LEMD2: variants seen among roughly 807,000 people sequenced by gnomAD.
LEMD2 encodes the protein LEM domain-containing protein 2.
LEMD2 carries 34 observed loss-of-function variants against 58.8 expected under a neutral mutation model. The observed-to-expected ratio is 0.58, with a 90% CI of 0.44 to 0.77. The LOEUF is 0.77. Ranked by LOEUF, LEMD2 falls within the 30% of genes least tolerant of loss-of-function variation. The pLI is 0.00. For synonymous variants in LEMD2, 298 were observed against 308.9 expected (o/e 0.96, Z 0.37); for missense variants, 629 against 717.9 (o/e 0.88, Z 1.42).
chr6:33,778,414 A>G lies in LEMD2; in HGVS notation c.1011-27T>C, dbSNP rs1187474475. 6.8e-7 allele frequency: 1 copy of G among 1,461,896 alleles called. No homozygotes were observed. Among genetic ancestry groups the G allele is most frequent in the Admixed American group, 2.3e-5 (1 of 42,640 alleles). 90.6% of individuals were successfully genotyped at this position (1,461,896 alleles called of 1,614,324 possible). A position where few individuals can be genotyped will look rare whatever the true frequency, so the allele number is the denominator to read the frequency against. ...TGAAACAGGACACAGGGCTCTGAAC[A>G]TGTTGGAAAGCTCCAAGGAGAGGCA... On this transcript the variant is annotated intron_variant, in intron 5 of 8. Transcript: ENST00000293760. The surrounding 1 kb of genome is among the most constrained non-coding windows in gnomAD (Gnocchi z 4.7).
chr6:33,789,120 C>T lies in LEMD2; in HGVS notation c.-4G>A, dbSNP rs757864405. ...CCAGGTCCGACAGGCCGGCCATGGC[C>T]AGGACGCCGCCCCCCGCCCGCCCCT... is the stretch of plus-strand genomic sequence containing the variant. On this transcript the variant is annotated 5_prime_UTR_variant, in exon 1 of 9. Transcript: ENST00000293760. 1 of 1,511,586 alleles carries T rather than the reference C, an allele frequency of 6.6e-7. No individual in the cohort carries two copies. Among genetic ancestry groups the T allele is most frequent in the Non-Finnish European group, 8.8e-7 (1 of 1,140,984 alleles). The allele number at this position is 1,511,586 out of a possible 1,614,324, so 93.6% of individuals were successfully genotyped here.
intron 3 of LEMD2, chr6:33,781,509 G>T (rs1447117262): frequency 9.3e-6 from 2 of 214,056 alleles, no homozygotes; most frequent in Non-Finnish European, 1.8e-5. Context: ...AAAAAGAAAG[G>T]CAGGGAGGCC....
chr6:33,788,341 G>A (rs1184511488), intron 1 of LEMD2, 40 bp downstream of exon 1: 1 of 1,505,914 alleles, frequency 6.6e-7, no homozygotes, highest in East Asian at 2.6e-5. Context: ...GCGGACACAC[G>A]CGCGCCCAGG....
chr6:33,784,461 G>C, intron 2 of LEMD2, 34 bp from the exon 3 acceptor site: 1 of 949,454 alleles, frequency 1.1e-6, no homozygotes, highest in South Asian at 1.4e-5. Context: ...TCAGCAAGGA[G>C]GGGTGGGTGG....
In LEMD2 at chr6:33,789,095, C is replaced by G. The variant is rs372530168; in HGVS notation, c.22G>C (p.Glu8Gln). The G allele has an allele frequency of 7.8e-6, 12 of 1,538,074 alleles. No individual in the cohort carries two copies. In the African/African-American group the frequency reaches 8.6e-5, roughly 11 times the overall value. MAGLSDL[E>Q]LRRELQALGF... Reference sequence around the variant, plus strand: ...AGGGCCTGCAGCTCCCGCCGCAGTTCCAGGTCCGACAGGCCGGCCATGGCC... The same window carrying G: ...AGGGCCTGCAGCTCCCGCCGCAGTTGCAGGTCCGACAGGCCGGCCATGGCC... The change falls in exon 1 of 9, where the codon GAA becomes CAA. Residue 8 changes from glutamate (E) to glutamine (Q), a missense_variant. This residue lies in a region of LEMD2 where 386 missense variants were observed against 381.1 expected (regional missense o/e 1.01). Transcript: ENST00000293760.
At chr6:33,772,936 AAACG>A (rs1767338561) in intron 8 of LEMD2, among the ~76,000 whole-genome samples, 158 bp from the exon 9 acceptor site, 2 of 152,196 alleles carry the variant, frequency 1.3e-5, no homozygotes. Context: ...CAGAGGAGAA[AAACG>A]TCTTGGGCCA....
intron 1 of LEMD2, among the ~76,000 whole-genome samples, chr6:33,787,498 G>C (rs1767705377): frequency 6.6e-6 from 1 of 152,246 alleles, no homozygotes; most frequent in Non-Finnish European, 1.5e-5. Context: ...GGCAGTTCCT[G>C]CTAGGCATGA....
At chr6:33,773,985 T>C (rs1173168648) in intron 8 of LEMD2, among the ~76,000 whole-genome samples, 1 of 152,194 alleles carries the variant, frequency 6.6e-6, no homozygotes, top group African/African-American at 2.4e-5. Context: ...GAGGGCCGGC[T>C]ACCTGAGTGG....
At chr6:33,779,957 A>G in intron 5 of LEMD2, 143 bp downstream of exon 5, 1 of 685,200 alleles carries the variant, frequency 1.5e-6, no homozygotes, top group Admixed American at 2.4e-5. Context: ...CCCCACTTCC[A>G]TCCTAACCCA....
chr6:33,788,814 A>G lies in LEMD2; in HGVS notation c.303T>C (p.Pro101=). The G allele has an allele frequency of 1.4e-6, 2 of 1,442,712 alleles. No individual in the cohort carries two copies. The highest frequency in any genetic ancestry group is 1.8e-6 in the Non-Finnish European group (2 of 1,099,260). The allele number at this position is 1,442,712 out of a possible 1,614,324, so 89.4% of individuals were successfully genotyped here. A position where few individuals can be genotyped will look rare whatever the true frequency, so the allele number is the denominator to read the frequency against. ...AGGGCCGGATATCACCGTAGGCCCC[A>G]GGGGTCGCGTAGGCCGAGCCCGAGG... ...QPASGSAYAT[P]GAYGDIRPSA... The change falls in exon 1 of 9, where the codon CCT becomes CCC. Residue 101 remains proline (P), a synonymous_variant. Transcript: ENST00000293760.
At chr6:33,787,917 T>A (rs1767717653) in intron 1 of LEMD2, among the ~76,000 whole-genome samples, 1 of 152,188 alleles carries the variant, frequency 6.6e-6, no homozygotes, top group Admixed American at 6.5e-5. Context: ...GAGAGTGGAC[T>A]TTTTGGTGCT....
chr6:33,786,593 C>G, intron 2 of LEMD2, 141 bp downstream of exon 2: 1 of 679,830 alleles, frequency 1.5e-6, no homozygotes, highest in Non-Finnish European at 2.6e-6. Context: ...ACAAGAACAT[C>G]ACAGAACACA....
intron 4 of LEMD2, among the ~76,000 whole-genome samples, chr6:33,780,612 A>T (rs764358323): frequency 6.6e-6 from 1 of 152,112 alleles, no homozygotes; most frequent in African/African-American, 2.4e-5. Context: ...ATGCAAATGG[A>T]ACCAGATGAC....
At position 33,775,860 on chromosome 6, in the gene LEMD2, T is replaced by G. The variant is rs146781428; in HGVS notation, c.1361+1094A>C. On this transcript the variant is annotated intron_variant, in intron 8 of 8. Transcript: ENST00000293760. ...TGCATCTGTGGAGAGCTCCAAGTAG[T>G]GCCCGGCTCCCAGGGAGCACTCAGC... Among the ~76,000 whole-genome samples the G allele has an allele frequency of 1.1e-4, 17 of 152,284 alleles. No individual in the cohort carries two copies. In the East Asian group the frequency reaches 3.3e-3, roughly 29 times the overall value.
rs1457885925 is a variant in LEMD2, at chr6:33,778,623, T to C, written c.1011-236A>G. ...TTGAACCCCTACCGCTAAAGCAACG[T>C]CCCCCTGTCAGGTCTTTGACAGCCT... On this transcript the variant is annotated intron_variant, in intron 5 of 8. Transcript: ENST00000293760. The surrounding 1 kb of genome is among the most constrained non-coding windows in gnomAD (Gnocchi z 4.7). 1.6e-5 allele frequency: 6 copies of C among 367,748 alleles called. No individual in the cohort carries two copies. Among genetic ancestry groups the C allele is most frequent in the Non-Finnish European group, 2.9e-5 (6 of 206,792 alleles). 22.8% of individuals were successfully genotyped at this position (367,748 alleles called of 1,614,324 possible). A position where few individuals can be genotyped will look rare whatever the true frequency, so the allele number is the denominator to read the frequency against.
intron 6 of LEMD2, 112 bp from the exon 7 acceptor site, chr6:33,777,351 T>C (rs1430052525): frequency 3.8e-6 from 3 of 796,482 alleles, no homozygotes; most frequent in Non-Finnish European, 6.8e-6. Flanking sequence ...TGGGTTTGGG[T>C]ACCTACTATG....
At chr6:33,785,663 TTTTTG>T (rs1405223693) in intron 2 of LEMD2, among the ~76,000 whole-genome samples, 3 of 152,226 alleles carry the variant, frequency 2.0e-5, no homozygotes, top group East Asian at 3.8e-4. Context: ...TTTTTTCCTG[TTTTTG>T]TTTTAAGTCT....
At chr6:33,784,477 G>GGGGGGGGGGGGGGGGCCCCCCCCC in intron 2 of LEMD2, 50 bp from the exon 3 acceptor site, 1 of 430,802 alleles carries the variant, frequency 2.3e-6, no homozygotes. Context: ...GGTGGGAGGG[G>GGGGGGGGGGGGGGGGCCCCCCCCC]TCCGTCTGTC....
chr6:33,778,498 C>G lies in LEMD2; in HGVS notation c.1011-111G>C. On this transcript the variant is annotated intron_variant, in intron 5 of 8. Transcript: ENST00000293760. This position sits in a 1 kb window ranked among gnomAD's most constrained non-coding sequence, Gnocchi z 4.7. ...GGAAAGTGGGGACGCAAGGCCTCTACTTGCTTATAGAATAGGCTTGGTATC... is the reference window on the plus strand; with the variant it reads ...GGAAAGTGGGGACGCAAGGCCTCTAGTTGCTTATAGAATAGGCTTGGTATC... 2.4e-6 allele frequency: 2 copies of G among 816,548 alleles called. No homozygotes were observed. Among genetic ancestry groups the G allele is most frequent in the Non-Finnish European group, 3.6e-6 (2 of 551,738 alleles). The allele number at this position is 816,548 out of a possible 1,614,324, so 50.6% of individuals were successfully genotyped here. A position where few individuals can be genotyped will look rare whatever the true frequency, so the allele number is the denominator to read the frequency against.
Sources: gnomAD v4.1 joint callset for allele counts (sites outside exome capture counted in the v4.1 genomes callset) on GRCh38, gnomAD v4.1.1 for gene constraint, gnomAD v4.1.1 regional missense constraint, Gnocchi (gnomAD v3.1) non-coding constraint, MANE v1.5 for transcripts, NCBI Gene and HGNC (gene_info 2026-07-23, HGNC 2026-07-21) for gene names.